Variants in RAB27A observed in about 807,000 individuals in gnomAD.
RAB27A encodes ras-related protein Rab-27A.
In RAB27A, 17 loss-of-function variants were observed where a neutral mutation model predicts 20.8. The observed-to-expected ratio is 0.82, with a 90% CI of 0.56 to 1.23. The LOEUF (loss-of-function observed/expected upper bound fraction) is 1.23. RAB27A is among the 50% of genes most tolerant of loss of function. The pLI is 0.00. For missense variants in RAB27A, 277 were observed against 266.7 expected (o/e 1.04, Z -0.27); for synonymous variants, 85 against 92.8 (o/e 0.92, Z 0.48).
intron 4 of RAB27A, among the ~76,000 whole-genome samples, chr15:55,229,543 T>G (rs1009670948): frequency 3.9e-5 from 6 of 151,934 alleles, no homozygotes; most frequent in Admixed American, 3.3e-4. Context: ...TGTGTAGTGG[T>G]GCACATCTGT....
At position 55,216,485 on chromosome 15, in the gene RAB27A, C is replaced by T. The variant is rs757762689; in HGVS notation, c.467+7404G>A. ...AGGCAGAGGTTGCAGTGAGCCGAGG[C>T]GGTGCTACTGCACTCCAGCCTGAGC... On this transcript the variant is annotated intron_variant, in intron 6 of 6. Coordinates refer to ENST00000336787, the MANE Select transcript of RAB27A (RefSeq NM_183235.3). 5.1e-4 allele frequency among the ~76,000 whole-genome samples: 77 copies of T among 151,820 alleles called. 2 individuals carry two copies. Among genetic ancestry groups the T allele is most frequent in the African/African-American group, 1.8e-3 (75 of 41,380 alleles).
In RAB27A at chr15:55,231,388, C is replaced by T. The variant is rs75796958; in HGVS notation, c.154-902G>A. ...ACAACACTCCTAGAACAGCAGAGAA[C>T]GGACCATCAAAAATTTCTTCCTCCA... On this transcript the variant is annotated intron_variant, in intron 3 of 6. Coordinates refer to ENST00000336787, the MANE Select transcript of RAB27A (RefSeq NM_183235.3). Among the ~76,000 whole-genome samples, 1,512 of 152,184 alleles carry T rather than the reference C, an allele frequency of 9.9e-3. 19 individuals carry two copies. The highest frequency in any genetic ancestry group is 0.035 in the African/African-American group (1,433 of 41,498).
intron 6 of RAB27A, among the ~76,000 whole-genome samples, chr15:55,218,505 A>G (rs1895416358): frequency 6.6e-6 from 1 of 152,216 alleles, no homozygotes; most frequent in South Asian, 2.1e-4. Flanking sequence ...AAACTAGAGA[A>G]AACAGTGAGC....
At chr15:55,303,905 G>A (rs1285913760) in intron 2 of RAB27A, among the ~76,000 whole-genome samples, 15 of 143,450 alleles carry the variant, frequency 1.0e-4, no homozygotes, top group African/African-American at 3.5e-4. Context: ...CTGCCCGGCC[G>A]CCCCTACTGG....
chr15:55,220,267 G>C (rs987107821), intron 6 of RAB27A, among the ~76,000 whole-genome samples: 1 of 151,846 alleles, frequency 6.6e-6, no homozygotes, highest in African/African-American at 2.4e-5. Context: ...GTTTTTGTTT[G>C]TTTGTTTGTT....
chr15:55,291,741 A>G (rs1393466451), upstream of RAB27A, among the ~76,000 whole-genome samples: 1 of 152,130 alleles, frequency 6.6e-6, no homozygotes, highest in Non-Finnish European at 1.5e-5. Context: ...CAGAAAACCT[A>G]GGATGGTGCT....
At chr15:55,225,070 C>A (rs1895742762) in intron 5 of RAB27A, among the ~76,000 whole-genome samples, 1 of 152,160 alleles carries the variant, frequency 6.6e-6, no homozygotes, top group Non-Finnish European at 1.5e-5. Context: ...AAAGCCATGC[C>A]CTTTCTTTCC....
intron 2 of RAB27A, among the ~76,000 whole-genome samples, chr15:55,305,850 G>T (rs1270991439): frequency 6.6e-6 from 1 of 152,144 alleles, no homozygotes; most frequent in South Asian, 2.1e-4. Flanking sequence ...GTTTGTAGTA[G>T]AACTGAGTAC....
intron 6 of RAB27A, among the ~76,000 whole-genome samples, chr15:55,214,207 C>A (rs7181147): frequency 5.9e-5 from 9 of 152,132 alleles, no homozygotes; most frequent in South Asian, 2.1e-4. Context: ...GAGGCCAAGG[C>A]GGGCGGATCA....
At chr15:55,304,253 GCTTGA>G (rs2054988127) in intron 2 of RAB27A, among the ~76,000 whole-genome samples, 2 of 151,058 alleles carry the variant, frequency 1.3e-5, no homozygotes. Flanking sequence ...TTAAACAGAT[GCTTGA>G]AGGCAGCATG....
intron 3 of RAB27A, among the ~76,000 whole-genome samples, chr15:55,234,066 C>T (rs1046194964): frequency 1.3e-5 from 2 of 152,114 alleles, no homozygotes; most frequent in African/African-American, 2.4e-5. Flanking sequence ...CATTAAAGGA[C>T]CTTTGTCATT....
rs576242375 is a variant in RAB27A at position 55,246,749 on chromosome 15, G to A, written c.-22-11793C>T. On this transcript the variant is annotated intron_variant, in intron 2 of 6. Transcript: ENST00000336787. ...AGTCTCAGAATGGACACAGCCACTC[G>A]ACACTCCAAAAGTCTGCTCAACCCA... Among the ~76,000 whole-genome samples the A allele has an allele frequency of 3.3e-5, 5 of 151,770 alleles. No homozygotes were observed. The East Asian group carries it at 5.8e-4, about 18-fold the overall frequency.
At position 55,204,410 on chromosome 15, in the gene RAB27A, C is replaced by A. The variant is rs1894545207; in HGVS notation, c.*1097G>T. 1 of 152,140 alleles carries A rather than the reference C, an allele frequency of 6.6e-6. No homozygotes were observed. Among genetic ancestry groups the A allele is most frequent in the African/African-American group, 2.4e-5 (1 of 41,428 alleles). The allele number at this position is 152,140 out of a possible 1,614,324, so 9.4% of individuals were successfully genotyped here. The stretch of plus-strand genomic sequence containing the variant: ...ATTTTTCTTTTATTGAACTACAGTA[C>A]AAATGTGACTGCTTCAATATGAACA... On this transcript the variant is annotated 3_prime_UTR_variant, in exon 7 of 7. Transcript: ENST00000336787.
chr15:55,216,663 A>C (rs911430204), intron 6 of RAB27A, among the ~76,000 whole-genome samples: 3 of 152,218 alleles, frequency 2.0e-5, no homozygotes, highest in African/African-American at 7.2e-5. Flanking sequence ...TAAATTTGCA[A>C]ACTAACCCAT....
At chr15:55,270,962 T>G (rs1027127358) in intron 1 of RAB27A, 2 of 152,106 alleles carry the variant, frequency 1.3e-5, no homozygotes, top group Non-Finnish European at 2.9e-5. Flanking sequence ...TCTCATTAAC[T>G]CCTCCCTCTC....
chr15:55,262,409 G>A (rs1172220880), intron 2 of RAB27A, among the ~76,000 whole-genome samples: 1 of 151,760 alleles, frequency 6.6e-6, no homozygotes, highest in Non-Finnish European at 1.5e-5. Flanking sequence ...GGGCGTGGTG[G>A]TAGGCACCTG....
intron 6 of RAB27A, chr15:55,206,385 T>C: frequency 5.2e-6 from 2 of 387,190 alleles, no homozygotes; most frequent in Non-Finnish European, 7.1e-6. Flanking sequence ...ACAGAGTCTC[T>C]ATCACCCAGG....
At chr15:55,299,743 G>A (rs2054963868) in intron 2 of RAB27A, among the ~76,000 whole-genome samples, 1 of 152,020 alleles carries the variant, frequency 6.6e-6, no homozygotes, top group East Asian at 1.9e-4. Context: ...TTATTCTAAA[G>A]GACATTAATG....
chr15:55,295,196 G>A (rs900440855), intron 2 of RAB27A, among the ~76,000 whole-genome samples: 2 of 152,064 alleles, frequency 1.3e-5, no homozygotes, highest in African/African-American at 4.8e-5. Flanking sequence ...GAAAGAGAAA[G>A]AAGGAAGGAG....
Sources: allele counts gnomAD v4.1 joint callset (sites outside exome capture counted in the v4.1 genomes callset), GRCh38; gene constraint gnomAD v4.1.1; transcripts MANE v1.5; gene names NCBI Gene and HGNC (gene_info 2026-07-23, HGNC 2026-07-21).